Variants in CNTN5 observed in about 807,000 individuals in gnomAD.
The protein encoded by CNTN5 is contactin 5.
A neutral mutation model predicts 129.1 loss-of-function variants in CNTN5; 77 were observed. That is an observed-to-expected ratio of 0.60 (90% CI 0.50 to 0.72). The LOEUF is 0.72. Ranked by LOEUF, CNTN5 falls within the 30% of genes least tolerant of loss-of-function variation. The pLI is 0.00. For missense variants in CNTN5, 1,478 were observed against 1,328.8 expected (o/e 1.11, Z -1.75); for synonymous variants, 509 against 465.6 (o/e 1.09, Z -1.20).
At chr11:99,201,351 T>TCCCTTCCTTCCTTCCTTCCTTCC (rs151051937) in intron 1 of CNTN5, among the ~76,000 whole-genome samples, 1 of 88,154 alleles carries the variant, frequency 1.1e-5, no homozygotes, top group Non-Finnish European at 2.2e-5. Flanking sequence ...CTTCCTTTCC[T>TCCCTTCCTTCCTTCCTTCCTTCC]TTCCTTCCTT....
At chr11:99,437,800 G>C (rs1478363879) in intron 2 of CNTN5, among the ~76,000 whole-genome samples, 2 of 151,996 alleles carry the variant, frequency 1.3e-5, no homozygotes, top group Non-Finnish European at 2.9e-5. Context: ...TCCAGCCTGG[G>C]CAAAAAAGCG....
intron 2 of CNTN5, among the ~76,000 whole-genome samples, chr11:99,494,417 C>A (rs1946149114): frequency 6.6e-6 from 1 of 152,140 alleles, no homozygotes; most frequent in South Asian, 2.1e-4. Context: ...ATCCTTTGAA[C>A]TGTATACCTT....
intron 6 of CNTN5, among the ~76,000 whole-genome samples, chr11:99,876,186 C>T (rs1162436889): frequency 7.9e-5 from 12 of 152,110 alleles, no homozygotes; most frequent in Admixed American, 7.9e-4. Context: ...GACCAACATC[C>T]GTAAGGAAAC....
At chr11:99,029,501 CTG>C (rs1863261751) in intron 1 of CNTN5, among the ~76,000 whole-genome samples, 1 of 151,980 alleles carries the variant, frequency 6.6e-6, no homozygotes, top group African/African-American at 2.4e-5. Context: ...CTGTAAAAGA[CTG>C]TAGAAACACT....
intron 15 of CNTN5, among the ~76,000 whole-genome samples, chr11:100,194,811 G>A (rs953847042): frequency 6.6e-6 from 1 of 151,348 alleles, no homozygotes; most frequent in Admixed American, 6.7e-5. Context: ...TAGTGGAAGA[G>A]TAAAGATGAG....
intron 7 of CNTN5, among the ~76,000 whole-genome samples, chr11:99,948,639 T>C (rs1377011933): frequency 6.6e-6 from 1 of 152,240 alleles, no homozygotes; most frequent in African/African-American, 2.4e-5. Flanking sequence ...TTGTAATAAT[T>C]CTTAAGTTAT....
chr11:99,321,525 C>A (rs958642267), intron 1 of CNTN5, among the ~76,000 whole-genome samples: 1 of 151,882 alleles, frequency 6.6e-6, no homozygotes, highest in African/African-American at 2.4e-5. Context: ...ACTGATGTAC[C>A]TCCTTTGATA....
At chr11:100,180,437 C>T (rs188261595) in intron 13 of CNTN5, among the ~76,000 whole-genome samples, 104 of 152,030 alleles carry the variant, frequency 6.8e-4, no homozygotes, top group Middle Eastern at 3.4e-3. Flanking sequence ...ACAACAACAA[C>T]AAACCTCTCA....
At chr11:99,788,516 A>G (rs1208019683) in intron 3 of CNTN5, among the ~76,000 whole-genome samples, 4 of 151,988 alleles carry the variant, frequency 2.6e-5, no homozygotes, top group African/African-American at 9.7e-5. Context: ...ATGAGAAATG[A>G]TGAAAAATAG....
At chr11:100,195,029 T>G (rs1230581882) in intron 15 of CNTN5, among the ~76,000 whole-genome samples, 1 of 152,034 alleles carries the variant, frequency 6.6e-6, no homozygotes, top group Non-Finnish European at 1.5e-5. Context: ...TGTGTTAAAT[T>G]AAACACATTT....
At chr11:99,034,576 T>G (rs1396642879) in intron 1 of CNTN5, among the ~76,000 whole-genome samples, 5 of 151,686 alleles carry the variant, frequency 3.3e-5, no homozygotes, top group African/African-American at 1.2e-4. Context: ...TGTAGTATTC[T>G]CTGATGGTAG....
chr11:99,492,058 C>A (rs1019381010), intron 2 of CNTN5, among the ~76,000 whole-genome samples: 6 of 152,086 alleles, frequency 3.9e-5, no homozygotes, highest in African/African-American at 1.2e-4. Flanking sequence ...ATTCAGAACA[C>A]CAAGCAGTGC....
chr11:99,735,068 G>T (rs1465141975), intron 3 of CNTN5, among the ~76,000 whole-genome samples: 1 of 152,192 alleles, frequency 6.6e-6, no homozygotes, highest in Non-Finnish European at 1.5e-5. Context: ...AGTGAATTAA[G>T]AAGTCAACAT....
chr11:99,158,498 T>C (rs10790494), intron 1 of CNTN5, among the ~76,000 whole-genome samples: 91,934 of 152,038 alleles, frequency 0.6, 29,203 homozygotes, highest in East Asian at 0.81. Flanking sequence ...GTTTTATTAA[T>C]TGGCATACAT....
Position 99,662,415 on chromosome 11 carries a change from G to A in CNTN5, c.55+106146G>A, listed in dbSNP as rs4543954. 7.5e-3 allele frequency among the ~76,000 whole-genome samples: 1,145 copies of A among 152,226 alleles called. 93 individuals carry two copies. The East Asian group carries it at 0.18, about 24-fold the overall frequency. Reference sequence around the variant, plus strand: ...AGAAATGTAAAACAGCATGGATAATGTTATCGAAATTTCATTAAAACAAGC... The same window carrying A: ...AGAAATGTAAAACAGCATGGATAATATTATCGAAATTTCATTAAAACAAGC... On this transcript the variant is annotated intron_variant, in intron 3 of 24. Transcript: ENST00000524871.
At chr11:100,207,612 TA>T (rs771248244) in intron 15 of CNTN5, among the ~76,000 whole-genome samples, 7 of 152,186 alleles carry the variant, frequency 4.6e-5, no homozygotes, top group Non-Finnish European at 1.0e-4. Context: ...AAATTTGTTT[TA>T]AAGTACCTAT....
chr11:99,118,621 A>G (rs1161841331), intron 1 of CNTN5, among the ~76,000 whole-genome samples: 1 of 152,138 alleles, frequency 6.6e-6, no homozygotes, highest in Non-Finnish European at 1.5e-5. Context: ...TATTAAAACA[A>G]TTAACGAAAA....
rs1287941196 is a variant in CNTN5 at position 99,313,553 on chromosome 11, T to A, written c.-209-11793T>A. 2.0e-5 allele frequency among the ~76,000 whole-genome samples: 3 copies of A among 151,996 alleles called. 1 individual carries two copies. The highest frequency in any genetic ancestry group is 4.4e-5 in the Non-Finnish European group (3 of 67,940). On this transcript the variant is annotated intron_variant, in intron 1 of 24. Transcript: ENST00000524871. ...ATTATTTACTTATGGTTTATGGGGA[T>A]CCTATCTGCTCCAGTGAATTTAATT...
chr11:99,852,066 T>G (rs367925182), intron 6 of CNTN5, among the ~76,000 whole-genome samples: 1 of 152,340 alleles, frequency 6.6e-6, no homozygotes, highest in African/African-American at 2.4e-5. Context: ...TGAGTCAGAT[T>G]GACATGGATG....
Sources: gnomAD v4.1 joint callset for allele counts (sites outside exome capture counted in the v4.1 genomes callset) on GRCh38, gnomAD v4.1.1 for gene constraint, MANE v1.5 for transcripts, NCBI Gene and HGNC (gene_info 2026-07-23, HGNC 2026-07-21) for gene names.